Variants in FAM184B observed in about 807,000 individuals in gnomAD.
FAM184B encodes the protein protein FAM184B.
FAM184B carries 111 observed loss-of-function variants against 135.9 expected under a neutral mutation model. The observed-to-expected ratio is 0.82, with a 90% CI of 0.70 to 0.96. The LOEUF is 0.96. Among genes scored for constraint, FAM184B ranks in the 40% least tolerant of loss-of-function variants. The pLI is 0.00. For missense variants in FAM184B, 1,375 were observed against 1,323.9 expected, an observed-to-expected ratio of 1.04 and a Z score of -0.60; for synonymous variants, 552 against 524.8, an observed-to-expected ratio of 1.05 and a Z score of -0.71.
intron 1 of FAM184B, among the ~76,000 whole-genome samples, chr4:17,718,987 C>T (rs1223183186): frequency 6.6e-6 from 1 of 152,204 alleles, no homozygotes; most frequent in Non-Finnish European, 1.5e-5. Context: ...GGGATACCTT[C>T]CAAGATGCCC....
chr4:17,691,537 T>G (rs1716735317), intron 6 of FAM184B, among the ~76,000 whole-genome samples: 1 of 151,738 alleles, frequency 6.6e-6, no homozygotes, highest in Non-Finnish European at 1.5e-5. Flanking sequence ...ATGCAAAAAA[T>G]TAGCCTGGTG....
Position 17,765,830 on chromosome 4 carries a change from G to A in FAM184B, c.141+15329C>T, listed in dbSNP as rs185795877. 1.9e-3 allele frequency among the ~76,000 whole-genome samples: 282 copies of A among 152,280 alleles called. 2 individuals are homozygous for A. Among genetic ancestry groups the A allele is most frequent in the African/African-American group, 6.6e-3 (275 of 41,558 alleles). ...CAGAGTTTGTTCCTTCTGATATTCA[G>A]ATGTGTTCTGAGTTTCTTCCTTCTG... On this transcript the variant is annotated intron_variant, in intron 1 of 17. Transcript: ENST00000265018.
chr4:17,667,224 T>G (rs1452500038), intron 7 of FAM184B, among the ~76,000 whole-genome samples: 7 of 151,988 alleles, frequency 4.6e-5, no homozygotes, highest in Non-Finnish European at 1.0e-4. Context: ...CCTCCTAAAG[T>G]TCTCATATTA....
intron 6 of FAM184B, among the ~76,000 whole-genome samples, chr4:17,688,846 C>G (rs901380147): frequency 2.6e-5 from 4 of 151,992 alleles, no homozygotes; most frequent in African/African-American, 9.7e-5. Flanking sequence ...TATGCACCAC[C>G]ACGCCCAGCT....
intron 1 of FAM184B, among the ~76,000 whole-genome samples, chr4:17,772,310 C>T (rs530830201): frequency 3.0e-4 from 46 of 152,218 alleles, no homozygotes; most frequent in African/African-American, 1.1e-3. Context: ...TACCCATCAC[C>T]TCCCATCCCC....
chr4:17,758,265 A>T (rs1718464855), intron 1 of FAM184B, among the ~76,000 whole-genome samples: 1 of 152,232 alleles, frequency 6.6e-6, no homozygotes, highest in Non-Finnish European at 1.5e-5. Flanking sequence ...AAGCCTCCTT[A>T]AAGAGAATTA....
chr4:17,691,999 G>C (rs1716747243), intron 6 of FAM184B, among the ~76,000 whole-genome samples: 1 of 151,750 alleles, frequency 6.6e-6, no homozygotes, highest in South Asian at 2.1e-4. Flanking sequence ...GTTGCAGTGA[G>C]CTGAGATTGC....
chr4:17,634,427 G>A (rs534091086), intron 16 of FAM184B, among the ~76,000 whole-genome samples: 1 of 152,252 alleles, frequency 6.6e-6, no homozygotes, highest in African/African-American at 2.4e-5. Flanking sequence ...GGGTTCAAGT[G>A]ATTCTCCTAC....
intron 1 of FAM184B, among the ~76,000 whole-genome samples, chr4:17,728,644 G>A (rs9994163): frequency 0.68 from 104,109 of 152,010 alleles, 35,950 homozygotes; most frequent in East Asian, 0.78. Context: ...TGCGGAAATT[G>A]AGCCCAGGTG....
At chr4:17,730,558 G>A (rs1577280583) in intron 1 of FAM184B, among the ~76,000 whole-genome samples, 1 of 152,330 alleles carries the variant, frequency 6.6e-6, no homozygotes, top group Non-Finnish European at 1.5e-5. Flanking sequence ...CAGACTAACA[G>A]CAGATCTCTT....
At chr4:17,707,507 G>A in intron 3 of FAM184B, 142 bp downstream of exon 3, 2 of 1,014,230 alleles carry the variant, frequency 2.0e-6, no homozygotes, top group Non-Finnish European at 1.4e-6. Flanking sequence ...TGCAGGGATT[G>A]GTCTCACCCA....
chr4:17,633,232 A>C (rs1386343893), intron 17 of FAM184B: 1 of 154,276 alleles, frequency 6.5e-6, no homozygotes, highest in Admixed American at 6.4e-5. Context: ...CGATTAAGAG[A>C]CTTTAGAATT....
Position 17,781,376 on chromosome 4 carries a change from G to A in FAM184B, c.-77C>T. The A allele has an allele frequency of 1.4e-6, 2 of 1,397,068 alleles. No homozygotes were observed. The highest frequency in any genetic ancestry group is 1.5e-5 in the South Asian group (1 of 65,362). The allele number at this position is 1,397,068 out of a possible 1,614,324, so 86.5% of individuals were successfully genotyped here. ...TGTGCACGTGCGTGCGCGCGCGGGC[G>A]TGCGAGCGTGTGGGTTTCTCGGGAG... On this transcript the variant is annotated 5_prime_UTR_variant, in exon 1 of 18. The change creates a new upstream start codon in the 5' untranslated region. Transcript: ENST00000265018. This position sits in a 1 kb window ranked among gnomAD's most constrained non-coding sequence, Gnocchi z 6.5.
At chr4:17,755,983 A>G (rs1391956502) in intron 1 of FAM184B, among the ~76,000 whole-genome samples, 3 of 152,326 alleles carry the variant, frequency 2.0e-5, no homozygotes, top group Admixed American at 6.5e-5. Context: ...TGATGGGTTG[A>G]TCTGTGCAGC....
chr4:17,736,123 C>T (rs1280816294), intron 1 of FAM184B, among the ~76,000 whole-genome samples: 1 of 152,132 alleles, frequency 6.6e-6, no homozygotes, highest in African/African-American at 2.4e-5. Flanking sequence ...TTCCAAGCAT[C>T]CCATCAGGTA....
At chr4:17,682,863 C>T (rs1716481447) in intron 7 of FAM184B, among the ~76,000 whole-genome samples, 1 of 152,130 alleles carries the variant, frequency 6.6e-6, no homozygotes, top group Non-Finnish European at 1.5e-5. Context: ...AACTGAAACC[C>T]CTGAGTCTTG....
intron 1 of FAM184B, among the ~76,000 whole-genome samples, chr4:17,747,191 C>T (rs1365081441): frequency 6.6e-6 from 1 of 151,952 alleles, no homozygotes; most frequent in Non-Finnish European, 1.5e-5. Context: ...GCGGTGTGAG[C>T]CAAGGTGATC....
In FAM184B at chr4:17,781,087, G is replaced by T; in HGVS notation, c.141+72C>A. 2 of 1,427,558 alleles carry T rather than the reference G, an allele frequency of 1.4e-6. No individual in the cohort carries two copies. The highest frequency in any genetic ancestry group is 1.8e-6 in the Non-Finnish European group (2 of 1,085,696). The allele number at this position is 1,427,558 out of a possible 1,614,324, so 88.4% of individuals were successfully genotyped here. The stretch of plus-strand genomic sequence containing the variant: ...GGATTTGGCCCGGGCCTCCCGGGAG[G>T]CGCATCCGCACTGACTCCCGGCTCG... On this transcript the variant is annotated intron_variant, in intron 1 of 17. Transcript: ENST00000265018. The surrounding 1 kb of genome is among the most constrained non-coding windows in gnomAD (Gnocchi z 6.5).
Position 17,696,745 on chromosome 4 carries a change from C to T in FAM184B, c.1378-3333G>A, listed in dbSNP as rs145464112. Among the ~76,000 whole-genome samples, 906 of 151,916 alleles carry T rather than the reference C, an allele frequency of 6.0e-3. 8 individuals carry two copies. The highest frequency in any genetic ancestry group is 0.021 in the African/African-American group (874 of 41,398). ...GGAGGATCACTTTAGCCCAGGAGTT[C>T]GAGGCTGCAGTGAGCCATGATCGCA... On this transcript the variant is annotated intron_variant, in intron 5 of 17. Coordinates refer to ENST00000265018, the MANE Select transcript of FAM184B (RefSeq NM_015688.2).
Sources: gnomAD v4.1 joint callset for allele counts (sites outside exome capture counted in the v4.1 genomes callset) on GRCh38, gnomAD v4.1.1 for gene constraint, Gnocchi (gnomAD v3.1) non-coding constraint, MANE v1.5 for transcripts, NCBI Gene and HGNC (gene_info 2026-07-23, HGNC 2026-07-21) for gene names.